The following HVCN1 variants were observed in gnomAD, a reference collection of about 807,000 sequenced individuals.
HVCN1 encodes hydrogen voltage gated channel 1, also known as voltage-gated hydrogen channel 1.
HVCN1 carries 14 observed loss-of-function variants against 29.2 expected under a neutral mutation model. The ratio of observed to expected loss-of-function variants is 0.48; its 90% CI spans 0.32 to 0.75. HVCN1 has a LOEUF of 0.75. HVCN1 is among the 30% of genes least tolerant of loss of function. The pLI, the probability that HVCN1 is intolerant of heterozygous loss-of-function variation, is 0.04. For synonymous variants in HVCN1, 131 were observed against 133.2 expected (o/e 0.98, Z 0.11); for missense variants, 263 against 341.8 (o/e 0.77, Z 1.82).
chr12:110,655,821 C>T (rs2067971940), intron 4 of HVCN1, among the ~76,000 whole-genome samples: 1 of 151,556 alleles, frequency 6.6e-6, no homozygotes, highest in African/African-American at 2.4e-5. Context: ...TCTCCCACTT[C>T]AGCCTCCCGA....
chr12:110,683,873 T>A (rs2069080120), intron 2 of HVCN1, among the ~76,000 whole-genome samples: 1 of 136,096 alleles, frequency 7.3e-6, no homozygotes, highest in South Asian at 2.2e-4. Context: ...ATCGTGCCAC[T>A]GCACTCCAGC....
intron 3 of HVCN1, among the ~76,000 whole-genome samples, chr12:110,682,278 G>T (rs754316768): frequency 6.6e-6 from 1 of 151,838 alleles, no homozygotes; most frequent in South Asian, 2.1e-4. Context: ...GTGAGCCACC[G>T]TGCCTTTGCC....
At chr12:110,683,859 C>T (rs1028357489) in intron 2 of HVCN1, among the ~76,000 whole-genome samples, 4 of 144,916 alleles carry the variant, frequency 2.8e-5, no homozygotes, top group East Asian at 2.0e-4. Flanking sequence ...TGCAGTAAGC[C>T]GAGATCGTGC....
At position 110,661,467 on chromosome 12, in the gene HVCN1, G is replaced by C. The variant is rs779754834; in HGVS notation, c.22-19C>G. The C allele has an allele frequency of 9.9e-6, 16 of 1,609,878 alleles. No individual in the cohort carries two copies. The African/African-American group carries it at 1.2e-4, about 12-fold the overall frequency. Reference sequence around the variant, plus strand: ...TGACTGCCTAGAAGGCGGGGACAGAGAGCAAGAGCTTCAGGCAGTTGGCCA... The same window carrying C: ...TGACTGCCTAGAAGGCGGGGACAGACAGCAAGAGCTTCAGGCAGTTGGCCA... On this transcript the variant is annotated intron_variant, in intron 3 of 7. Coordinates refer to ENST00000242607, the MANE Select transcript of HVCN1 (RefSeq NM_032369.4). This position sits in a 1 kb window ranked among gnomAD's most constrained non-coding sequence, Gnocchi z 6.2.
chr12:110,665,880 C>T (rs1459603656), intron 3 of HVCN1, among the ~76,000 whole-genome samples: 5 of 151,782 alleles, frequency 3.3e-5, no homozygotes, highest in Admixed American at 2.6e-4. Context: ...GTGGCACATG[C>T]CTGTAATCCC....
At chr12:110,699,056 AG>A (rs2136512683) in intron 2 of HVCN1, among the ~76,000 whole-genome samples, 1 of 152,376 alleles carries the variant, frequency 6.6e-6, no homozygotes, top group South Asian at 2.1e-4. Flanking sequence ...TGAACCCGGG[AG>A]GTGGAGGTTG....
At chr12:110,671,719 C>A (rs1175423006) in intron 3 of HVCN1, among the ~76,000 whole-genome samples, 1 of 152,172 alleles carries the variant, frequency 6.6e-6, no homozygotes, top group Non-Finnish European at 1.5e-5. Flanking sequence ...TCTTCAGGGC[C>A]CAAAACCACT....
chr12:110,697,027 G>A (rs989814707), intron 2 of HVCN1, among the ~76,000 whole-genome samples: 4 of 151,968 alleles, frequency 2.6e-5, no homozygotes, highest in Non-Finnish European at 4.4e-5. Context: ...GGAACTGTGG[G>A]TGGCATGGAC....
At position 110,681,681 on chromosome 12, in the gene HVCN1, C is replaced by T. The variant is rs183429581; in HGVS notation, c.21+1544G>A. The stretch of plus-strand genomic sequence containing the variant: ...ATCACCATCATCATCATCATCATCC[C>T]GTGGTCATTCTGACCCTCACATTTG... On this transcript the variant is annotated intron_variant, in intron 3 of 7. Transcript: ENST00000242607. Among the ~76,000 whole-genome samples, 23 of 152,236 alleles carry T rather than the reference C, an allele frequency of 1.5e-4. No individual in the cohort carries two copies. In the East Asian group the frequency reaches 2.1e-3, roughly 14 times the overall value.
chr12:110,651,772 G>T (rs2067821604), intron 5 of HVCN1, among the ~76,000 whole-genome samples: 2 of 152,230 alleles, frequency 1.3e-5, no homozygotes, highest in South Asian at 4.1e-4. Context: ...AATACTTTCT[G>T]CATTGTAAGA....
At chr12:110,699,702 C>T (rs553113549) in intron 2 of HVCN1, among the ~76,000 whole-genome samples, 1 of 152,140 alleles carries the variant, frequency 6.6e-6, no homozygotes, top group Non-Finnish European at 1.5e-5. Flanking sequence ...GCTGCCCCTC[C>T]TCTCCTGGCC....
upstream of HVCN1, among the ~76,000 whole-genome samples, chr12:110,692,555 A>G (rs1280802084): frequency 6.6e-6 from 1 of 152,058 alleles, no homozygotes; most frequent in African/African-American, 2.4e-5. Flanking sequence ...CCCCATTTCT[A>G]TAAAAAATGT....
intron 2 of HVCN1, among the ~76,000 whole-genome samples, chr12:110,687,484 G>A (rs2069237102): frequency 6.6e-6 from 1 of 152,140 alleles, no homozygotes; most frequent in South Asian, 2.1e-4. Flanking sequence ...AGGAGGTGGC[G>A]GCTGGGGACA....
rs778531975 is a variant in HVCN1 at position 110,651,401 on chromosome 12, C to T, written c.459G>A (p.Glu153=). ...SITILVFFMM[E]IIFKLFVFRL... ...GGAAGACAAATAATTTAAAGATGAT[C>T]TCCATCATAAAAAAGACCAAGATGG... is the stretch of plus-strand genomic sequence containing the variant. Residue 153 remains glutamate (E), a synonymous_variant, in exon 6 of 8, where the codon GAG becomes GAA. Coordinates refer to ENST00000242607, the MANE Select transcript of HVCN1 (RefSeq NM_032369.4). 4 of 1,613,936 alleles carry T rather than the reference C, an allele frequency of 2.5e-6. No homozygotes were observed. The highest frequency in any genetic ancestry group is 2.5e-6 in the Non-Finnish European group (3 of 1,179,872).
chr12:110,685,543 A>AT (rs1421374656), intron 2 of HVCN1, among the ~76,000 whole-genome samples: 11 of 152,220 alleles, frequency 7.2e-5, no homozygotes, highest in Non-Finnish European at 1.5e-4. Flanking sequence ...TCCTGTATGA[A>AT]GTGCACGCCT....
chr12:110,679,637 A>G (rs2068874560), intron 3 of HVCN1, among the ~76,000 whole-genome samples: 1 of 152,028 alleles, frequency 6.6e-6, no homozygotes, highest in African/African-American at 2.4e-5. Flanking sequence ...GTGGATCATG[A>G]GGTCAGGAGA....
chr12:110,685,680 TTTGTTG>T (rs1325837225), intron 2 of HVCN1, among the ~76,000 whole-genome samples: 1 of 152,000 alleles, frequency 6.6e-6, no homozygotes, highest in African/African-American at 2.4e-5. Context: ...CCCTTTTTTT[TTTGTTG>T]TTGTTGTTTT....
chr12:110,666,824 AT>A (rs1446949738), intron 3 of HVCN1, among the ~76,000 whole-genome samples: 1 of 152,066 alleles, frequency 6.6e-6, no homozygotes, highest in African/African-American at 2.4e-5. Context: ...TTCCCCTCCC[AT>A]TTATAACCTC....
At chr12:110,690,861 TCTC>T (rs1301693803), upstream of HVCN1, among the ~76,000 whole-genome samples, 3 of 151,966 alleles carry the variant, frequency 2.0e-5, no homozygotes, top group Non-Finnish European at 4.4e-5. Flanking sequence ...TTCAAGCAAT[TCTC>T]CTGCCTCAGC....
Sources: gnomAD v4.1 joint callset for allele counts (sites outside exome capture counted in the v4.1 genomes callset) on GRCh38, gnomAD v4.1.1 for gene constraint, Gnocchi (gnomAD v3.1) non-coding constraint, MANE v1.5 for transcripts, NCBI Gene and HGNC (gene_info 2026-07-23, HGNC 2026-07-21) for gene names.